PANK3: variants seen among roughly 807,000 people sequenced by gnomAD.
PANK3 encodes the protein pantothenate kinase 3, also known as hPanK3.
In PANK3, 20 loss-of-function variants were observed where a neutral mutation model predicts 39.4. That is an observed-to-expected ratio of 0.51 (90% CI 0.36 to 0.74). PANK3 has a LOEUF of 0.74. Among genes scored for constraint, PANK3 ranks in the 30% least tolerant of loss-of-function variants. The pLI is 0.00. For missense variants in PANK3, 265 were observed against 437.0 expected (o/e 0.61, Z 3.51); for synonymous variants, 140 against 157.3 (o/e 0.89, Z 0.82).
chr5:168,577,668 T>C (rs1487262558), intron 1 of PANK3, among the ~76,000 whole-genome samples: 2 of 152,202 alleles, frequency 1.3e-5, no homozygotes, highest in Non-Finnish European at 2.9e-5. Flanking sequence ...TAATAATCTT[T>C]ATAATCTCTC....
chr5:168,552,146 T>C lies in PANK3; in HGVS notation c.*5425A>G, dbSNP rs1229128277. The C allele has an allele frequency of 9.2e-5, 14 of 152,168 alleles. No homozygotes were observed. The highest frequency in any genetic ancestry group is 9.2e-4 in the Admixed American group (14 of 15,282). 9.4% of individuals were successfully genotyped at this position (152,168 alleles called of 1,614,324 possible). On this transcript the variant is annotated 3_prime_UTR_variant, in exon 7 of 7. Transcript: ENST00000239231. ...GTTGCATTTGAAAAAGTTACCAGATTTTTTAAGAATGAAAATTAAGCCCAA... is the reference window on the plus strand; with the variant it reads ...GTTGCATTTGAAAAAGTTACCAGATCTTTTAAGAATGAAAATTAAGCCCAA...
chr5:168,552,129 T>C lies in PANK3; in HGVS notation c.*5442A>G, dbSNP rs900875504. The stretch of plus-strand genomic sequence containing the variant: ...ACAGCAAACTGACAGTGGTTGCATT[T>C]GAAAAAGTTACCAGATTTTTTAAGA... On this transcript the variant is annotated 3_prime_UTR_variant, in exon 7 of 7. Coordinates refer to ENST00000239231, the MANE Select transcript of PANK3 (RefSeq NM_024594.4). 6.6e-6 allele frequency: 1 copy of C among 152,342 alleles called. No homozygotes were observed. Among genetic ancestry groups the C allele is most frequent in the African/African-American group, 2.4e-5 (1 of 41,586 alleles). 9.4% of individuals were successfully genotyped at this position (152,342 alleles called of 1,614,324 possible).
chr5:168,559,214 A>G, intron 5 of PANK3, 57 bp from the exon 6 acceptor site: 1 of 1,154,008 alleles, frequency 8.7e-7, no homozygotes, highest in South Asian at 1.8e-5. Flanking sequence ...ACAATATAAA[A>G]GGTTTCTAAA....
intron 3 of PANK3, among the ~76,000 whole-genome samples, chr5:168,565,334 G>A (rs912965277): frequency 6.6e-6 from 1 of 151,882 alleles, no homozygotes; most frequent in Non-Finnish European, 1.5e-5. Flanking sequence ...CGTATTTCAG[G>A]TATTACAGAA....
intron 1 of PANK3, among the ~76,000 whole-genome samples, chr5:168,577,769 T>C (rs1192666455): frequency 6.6e-6 from 1 of 152,160 alleles, no homozygotes; most frequent in Non-Finnish European, 1.5e-5. Context: ...CAAAAGAAAA[T>C]AATCACCACC....
At chr5:168,563,482 A>C (rs1466675122) in intron 4 of PANK3, among the ~76,000 whole-genome samples, 1 of 152,172 alleles carries the variant, frequency 6.6e-6, no homozygotes, top group African/African-American at 2.4e-5. Flanking sequence ...TATCTCAAAA[A>C]TGCATTTGCA....
At chr5:168,558,453 C>G (rs139039021) in intron 6 of PANK3, among the ~76,000 whole-genome samples, 1 of 152,118 alleles carries the variant, frequency 6.6e-6, no homozygotes, top group East Asian at 1.9e-4. Flanking sequence ...CATGAGCCAC[C>G]GCACCCGGCC....
intron 6 of PANK3, among the ~76,000 whole-genome samples, chr5:168,557,977 G>C (rs747028270): frequency 8.5e-5 from 13 of 152,072 alleles, no homozygotes; most frequent in Admixed American, 5.9e-4. Context: ...GTGGCCTTTA[G>C]ACACTAAAGC....
At chr5:168,563,702 A>T (rs967997949) in intron 4 of PANK3, among the ~76,000 whole-genome samples, 187 bp downstream of exon 4, 2 of 152,120 alleles carry the variant, frequency 1.3e-5, no homozygotes, top group African/African-American at 4.8e-5. Context: ...GTTTCTTACA[A>T]GGTGCACTCA....
chr5:168,577,936 GTC>G (rs1561844351), intron 1 of PANK3, among the ~76,000 whole-genome samples: 2 of 152,180 alleles, frequency 1.3e-5, no homozygotes, highest in African/African-American at 2.4e-5. Context: ...AAAATTTAAA[GTC>G]TCTCTATATT....
At position 168,555,118 on chromosome 5, in the gene PANK3, G is replaced by T. The variant is rs956806236; in HGVS notation, c.*2453C>A. 1 of 152,192 alleles carries T rather than the reference G, an allele frequency of 6.6e-6. No homozygotes were observed. Among genetic ancestry groups the T allele is most frequent in the African/African-American group, 2.4e-5 (1 of 41,448 alleles). The allele number at this position is 152,192 out of a possible 1,614,324, so 9.4% of individuals were successfully genotyped here. ...CCCTGTAAGCTCACTGTGGTAAATA[G>T]ATTTGGTTCTAATACCACAATTCCT... On this transcript the variant is annotated 3_prime_UTR_variant, in exon 7 of 7. Transcript: ENST00000239231.
chr5:168,569,483 C>T (rs888342099), intron 1 of PANK3, among the ~76,000 whole-genome samples: 12 of 152,048 alleles, frequency 7.9e-5, no homozygotes, highest in South Asian at 2.1e-4. Flanking sequence ...TGAGCCACCG[C>T]GCTCGGCCCT....
chr5:168,557,445 C>T lies in PANK3; in HGVS notation c.*126G>A, dbSNP rs940394355. On this transcript the variant is annotated 3_prime_UTR_variant, in exon 7 of 7. Coordinates refer to ENST00000239231, the MANE Select transcript of PANK3 (RefSeq NM_024594.4). ...TACCAAGTTCTCTCCTTTAATATGGCAACATTCAGCAGCTTATGCTACTCT... is the reference window on the plus strand; with the variant it reads ...TACCAAGTTCTCTCCTTTAATATGGTAACATTCAGCAGCTTATGCTACTCT... The T allele has an allele frequency of 1.3e-5, 10 of 779,918 alleles. No homozygotes were observed. Among genetic ancestry groups the T allele is most frequent in the African/African-American group, 8.8e-5 (5 of 56,776 alleles). 48.3% of individuals were successfully genotyped at this position (779,918 alleles called of 1,614,324 possible). A position where few individuals can be genotyped will look rare whatever the true frequency, so the allele number is the denominator to read the frequency against.
intron 3 of PANK3, 77 bp downstream of exon 3, chr5:168,565,936 G>T (rs1759525878): frequency 1.0e-5 from 13 of 1,257,368 alleles, no homozygotes; most frequent in Non-Finnish European, 1.4e-5. Context: ...TGGTGAAAAT[G>T]ACATTATTAT....
At position 168,552,586 on chromosome 5, in the gene PANK3, G is replaced by T; in HGVS notation, c.*4985C>A. The T allele has an allele frequency of 4.8e-6, 1 of 208,682 alleles. No individual in the cohort carries two copies. Among genetic ancestry groups the T allele is most frequent in the East Asian group, 1.2e-4 (1 of 8,572 alleles). The allele number at this position is 208,682 out of a possible 1,614,324, so 12.9% of individuals were successfully genotyped here. A position where few individuals can be genotyped will look rare whatever the true frequency, so the allele number is the denominator to read the frequency against. ...AAGAGTGTGGCCACAGTATTCCAGG[G>T]AACGGAGTCTGGTCCAACTTCAGAG... On this transcript the variant is annotated 3_prime_UTR_variant, in exon 7 of 7. Coordinates refer to ENST00000239231, the MANE Select transcript of PANK3 (RefSeq NM_024594.4).
At chr5:168,575,914 C>T (rs1475866164) in intron 1 of PANK3, among the ~76,000 whole-genome samples, 2 of 152,082 alleles carry the variant, frequency 1.3e-5, no homozygotes, top group Non-Finnish European at 1.5e-5. Flanking sequence ...TTTAAAAGAA[C>T]AAAATTATAA....
In PANK3 at chr5:168,568,639, T is replaced by C; in HGVS notation, c.381+7A>G. On this transcript the variant is annotated splice_region_variant and intron_variant, in intron 2 of 6. Coordinates refer to ENST00000239231, the MANE Select transcript of PANK3 (RefSeq NM_024594.4). ...TCAATTTTCAGTTTTGAGTAAAAGA[T>C]ACCTACTGTGCGAAAATCTTTTTCA... is the stretch of plus-strand genomic sequence containing the variant. 1 of 1,585,806 alleles carries C rather than the reference T, an allele frequency of 6.3e-7. No individual in the cohort carries two copies. Among genetic ancestry groups the C allele is most frequent in the Admixed American group, 1.7e-5 (1 of 57,662 alleles).
intron 2 of PANK3, among the ~76,000 whole-genome samples, chr5:168,567,197 T>G (rs567004259): frequency 6.6e-6 from 1 of 152,334 alleles, no homozygotes; most frequent in South Asian, 2.1e-4. Context: ...TTATGGTATC[T>G]TATTTTCCAA....
In PANK3 at chr5:168,579,238, C is replaced by T; in HGVS notation, c.28+18G>A. ...AAGGGTGCCCTCCCAACCTGGCGGG[C>T]CCCAGCCCCCGTCTTACAGGGTTTC... On this transcript the variant is annotated intron_variant, in intron 1 of 6. Coordinates refer to ENST00000239231, the MANE Select transcript of PANK3 (RefSeq NM_024594.4). The T allele has an allele frequency of 1.3e-6, 2 of 1,486,574 alleles. No individual in the cohort carries two copies. The allele number at this position is 1,486,574 out of a possible 1,614,324, so 92.1% of individuals were successfully genotyped here. A position where few individuals can be genotyped will look rare whatever the true frequency, so the allele number is the denominator to read the frequency against.
Sources: gnomAD v4.1 joint callset for allele counts (sites outside exome capture counted in the v4.1 genomes callset) on GRCh38, gnomAD v4.1.1 for gene constraint, MANE v1.5 for transcripts, NCBI Gene and HGNC (gene_info 2026-07-23, HGNC 2026-07-21) for gene names.